Variants in LAMA4 observed in about 807,000 individuals in gnomAD.
The protein encoded by LAMA4 is laminin subunit alpha 4.
Under a neutral mutation model 207.1 loss-of-function variants are expected in LAMA4, and 127 were observed. That is an observed-to-expected ratio of 0.61 (90% CI 0.53 to 0.71). The LOEUF (loss-of-function observed/expected upper bound fraction) is 0.71. Ranked by LOEUF, LAMA4 falls within the 30% of genes least tolerant of loss-of-function variation. LAMA4 has a pLI of 0.00. For synonymous variants in LAMA4, 761 were observed against 816.0 expected, an observed-to-expected ratio of 0.93 and a Z score of 1.15; for missense variants, 2,093 against 2,246.5, an observed-to-expected ratio of 0.93 and a Z score of 1.38.
chr6:112,189,460 C>A lies in LAMA4; in HGVS notation c.719-255G>T, dbSNP rs2072028. On this transcript the variant is annotated intron_variant, in intron 6 of 38. Coordinates refer to ENST00000230538, the MANE Select transcript of LAMA4 (RefSeq NM_001105206.3). ...TCTAAGTTTTCTAGGATTTCTCTCC[C>A]AACTCTTTGGGATTCTGACATGACA... Among the ~76,000 whole-genome samples the A allele has an allele frequency of 5.1e-3, 770 of 152,260 alleles. 35 individuals are homozygous for A. The East Asian group carries it at 0.11, about 21-fold the overall frequency.
intron 17 of LAMA4, 165 bp downstream of exon 17, chr6:112,150,346 T>C: frequency 1.4e-6 from 1 of 701,704 alleles, no homozygotes; most frequent in South Asian, 1.5e-5. Flanking sequence ...TTTCTTCTTT[T>C]TGTTTTCTAG....
In LAMA4 at chr6:112,254,502, G is replaced by T. The variant is rs1259273175; in HGVS notation, c.-185C>A. ...AGACGGATTGGGGTGAGCCCCGCCA[G>T]CGCTAGGCCACCTCCTCTCCCTGGC... On this transcript the variant is annotated 5_prime_UTR_variant, in exon 1 of 39. It adds an upstream start codon to the 5' untranslated region. Transcript: ENST00000230538. 1 of 376,170 alleles carries T rather than the reference G, an allele frequency of 2.7e-6. No individual in the cohort carries two copies. The highest frequency in any genetic ancestry group is 2.1e-5 in the African/African-American group (1 of 47,830). 23.3% of individuals were successfully genotyped at this position (376,170 alleles called of 1,614,324 possible). A position where few individuals can be genotyped will look rare whatever the true frequency, so the allele number is the denominator to read the frequency against.
intron 2 of LAMA4, among the ~76,000 whole-genome samples, chr6:112,233,737 C>A (rs927775798): frequency 6.6e-6 from 1 of 152,156 alleles, no homozygotes; most frequent in Non-Finnish European, 1.5e-5. Context: ...GGTAGAGAGG[C>A]TAAACTTATA....
chr6:112,109,676 T>TTGATGATATGAG, intron 38 of LAMA4, 94 bp from the exon 39 acceptor site: 1 of 1,233,008 alleles, frequency 8.1e-7, no homozygotes, highest in Non-Finnish European at 1.2e-6. Flanking sequence ...TTTGCTCATA[T>TTGATGATATGAG]CATCAATATG....
intron 19 of LAMA4, among the ~76,000 whole-genome samples, chr6:112,144,346 T>C (rs1779888083): frequency 6.6e-6 from 1 of 152,264 alleles, no homozygotes; most frequent in African/African-American, 2.4e-5. Context: ...TTGTACCAGA[T>C]AATTTCTTGA....
At chr6:112,168,192 C>T (rs1456626046) in intron 12 of LAMA4, among the ~76,000 whole-genome samples, 21 of 143,384 alleles carry the variant, frequency 1.5e-4, no homozygotes, top group African/African-American at 3.4e-4. Flanking sequence ...AGCGAGACTC[C>T]GTCTCAAAAA....
intron 2 of LAMA4, among the ~76,000 whole-genome samples, chr6:112,226,690 T>C (rs1294377114): frequency 6.6e-6 from 1 of 152,172 alleles, no homozygotes; most frequent in Non-Finnish European, 1.5e-5. Flanking sequence ...ATGCCAAAAA[T>C]ATGCTAGCAG....
intron 3 of LAMA4, chr6:112,214,182 T>C (rs1468846549): frequency 4.4e-6 from 2 of 453,174 alleles, no homozygotes; most frequent in Non-Finnish European, 7.9e-6. Context: ...TTTATATTCA[T>C]GTGCAAGCAT....
At chr6:112,216,174 A>G (rs1326037631) in intron 3 of LAMA4, among the ~76,000 whole-genome samples, 194 bp downstream of exon 3, 2 of 152,240 alleles carry the variant, frequency 1.3e-5, no homozygotes, top group African/African-American at 4.8e-5. Flanking sequence ...ACACTCATGC[A>G]TATGCCTTGG....
At chr6:112,114,788 G>A in intron 36 of LAMA4, 32 bp from the exon 37 acceptor site, 2 of 1,435,154 alleles carry the variant, frequency 1.4e-6, no homozygotes, top group Non-Finnish European at 2.0e-6. Context: ...GTATGATTTA[G>A]TTTGTCCTCA....
At chr6:112,217,390 G>A (rs368672244) in intron 2 of LAMA4, among the ~76,000 whole-genome samples, 48 of 152,266 alleles carry the variant, frequency 3.2e-4, no homozygotes, top group African/African-American at 1.1e-3. Flanking sequence ...ACAAGTTTAT[G>A]TCTAAAGAAT....
At chr6:112,157,141 T>A (rs1370086885) in intron 14 of LAMA4, among the ~76,000 whole-genome samples, 2 of 152,098 alleles carry the variant, frequency 1.3e-5, no homozygotes, top group African/African-American at 4.8e-5. Flanking sequence ...CCACAACCCC[T>A]TCTGAGAAAA....
chr6:112,239,439 GA>G (rs1786214107), intron 2 of LAMA4, among the ~76,000 whole-genome samples: 1 of 151,008 alleles, frequency 6.6e-6, no homozygotes, highest in Admixed American at 6.6e-5. Flanking sequence ...GACTAATAAA[GA>G]AGGAAAAACA....
chr6:112,165,226 C>G lies in LAMA4; in HGVS notation c.1602G>C (p.Leu534=), dbSNP rs1554339578. 6.2e-7 allele frequency: 1 copy of G among 1,613,782 alleles called. No homozygotes were observed. The highest frequency in any genetic ancestry group is 1.1e-5 in the South Asian group (1 of 91,058). Residue 534 remains leucine, a synonymous_variant, in exon 13 of 39, where the codon CTG becomes CTC. Coordinates refer to ENST00000230538, the MANE Select transcript of LAMA4 (RefSeq NM_001105206.3). The stretch of plus-strand genomic sequence containing the variant: ...TTGTCAGAGAGTCCGCAGATGTGCT[C>G]AGAGACATGTTCACCACTTCCATTT... ...REQMEVVNMS[L]STSADSLTTP...
rs1554330362 is a variant in LAMA4 at position 112,132,910 on chromosome 6, G to GAGAT, written c.3697-24_3697-21dup. ...AGATATCTGTGTGCCAGAACAAGTG[G>GAGAT]AGATAGTGTTTTTGAGAATTATCAA... On this transcript the variant is annotated intron_variant, in intron 27 of 38. Coordinates refer to ENST00000230538, the MANE Select transcript of LAMA4 (RefSeq NM_001105206.3). 1 of 1,611,530 alleles carries GAGAT rather than the reference G, an allele frequency of 6.2e-7. No homozygotes were observed. The highest frequency in any genetic ancestry group is 1.7e-5 in the Admixed American group (1 of 59,980).
rs547826345 is a variant in LAMA4, at chr6:112,161,410, C to G, written c.1669-2530G>C. ...CTTTTATGGAGGCAGTATTAAACCT[C>G]TAGCCATTTTGGTTGGTCATCTGGG... On this transcript the variant is annotated intron_variant, in intron 13 of 38. Coordinates refer to ENST00000230538, the MANE Select transcript of LAMA4 (RefSeq NM_001105206.3). Among the ~76,000 whole-genome samples, 294 of 152,334 alleles carry G rather than the reference C, an allele frequency of 1.9e-3. 1 individual carries two copies. The highest frequency in any genetic ancestry group is 6.7e-3 in the African/African-American group (279 of 41,574).
intron 31 of LAMA4, among the ~76,000 whole-genome samples, chr6:112,123,851 A>G (rs1006145992): frequency 3.9e-5 from 6 of 152,102 alleles, no homozygotes; most frequent in African/African-American, 1.4e-4. Flanking sequence ...TCATAACCTG[A>G]TTTTTACTGC....
intron 12 of LAMA4, among the ~76,000 whole-genome samples, chr6:112,170,660 CT>C (rs2114856708): frequency 6.6e-6 from 1 of 152,300 alleles, no homozygotes; most frequent in Non-Finnish European, 1.5e-5. Context: ...TGAGTTGTTA[CT>C]TTGTGTCAGA....
At chr6:112,192,621 T>C (rs948854878) in intron 5 of LAMA4, among the ~76,000 whole-genome samples, 20 of 152,340 alleles carry the variant, frequency 1.3e-4, no homozygotes, top group African/African-American at 4.8e-4. Flanking sequence ...CCAGTGCCTA[T>C]GGTCAGGCTG....
Sources: gnomAD v4.1 joint callset for allele counts (sites outside exome capture counted in the v4.1 genomes callset) on GRCh38, gnomAD v4.1.1 for gene constraint, MANE v1.5 for transcripts, NCBI Gene and HGNC (gene_info 2026-07-23, HGNC 2026-07-21) for gene names.